TIAM2: variants seen among roughly 807,000 people sequenced by gnomAD.
The protein encoded by TIAM2 is rho guanine nucleotide exchange factor TIAM2.
Under a neutral mutation model 152.9 loss-of-function variants are expected in TIAM2, and 80 were observed. That is an observed-to-expected ratio of 0.52 (90% CI 0.44 to 0.63). The LOEUF is 0.63. Among genes scored for constraint, TIAM2 ranks in the 30% least tolerant of loss-of-function variants. The pLI is 0.00. For synonymous variants in TIAM2, 804 were observed against 838.0 expected, an observed-to-expected ratio of 0.96 and a Z score of 0.70; for missense variants, 1,965 against 2,120.1, an observed-to-expected ratio of 0.93 and a Z score of 1.44.
intron 2 of TIAM2, among the ~76,000 whole-genome samples, chr6:155,110,827 A>C (rs1778830492): frequency 6.6e-6 from 1 of 152,232 alleles, no homozygotes; most frequent in African/African-American, 2.4e-5. Context: ...AAAGGGATGC[A>C]GTGGGCTCCA....
rs553731246 is a variant in TIAM2, at chr6:155,090,941, A to T, written c.-118+562A>T. On this transcript the variant is annotated intron_variant, in intron 2 of 26. Coordinates refer to ENST00000682666, the MANE Select transcript of TIAM2 (RefSeq NM_012454.4). ...GATGTGTTGGTGTCGCAGGTTAAGTACTAAAGCAGGAAAGCTGAACAGTTC... is the reference window on the plus strand; with the variant it reads ...GATGTGTTGGTGTCGCAGGTTAAGTTCTAAAGCAGGAAAGCTGAACAGTTC... Among the ~76,000 whole-genome samples the T allele has an allele frequency of 3.2e-3, 489 of 152,240 alleles. 5 individuals are homozygous for T. The highest frequency in any genetic ancestry group is 0.011 in the African/African-American group (444 of 41,552).
At chr6:155,164,860 T>C (rs73795326) in intron 8 of TIAM2, among the ~76,000 whole-genome samples, 19,866 of 152,166 alleles carry the variant, frequency 0.13, 1,681 homozygotes, top group African/African-American at 0.24. Context: ...CCTTTCTGTG[T>C]ATTCCACCAT....
At chr6:155,060,850 G>A (rs1331313693) in intron 1 of TIAM2, among the ~76,000 whole-genome samples, 2 of 152,198 alleles carry the variant, frequency 1.3e-5, no homozygotes, top group Non-Finnish European at 2.9e-5. Context: ...AGCCGAGATC[G>A]TGCCATTGCG....
intron 9 of TIAM2, among the ~76,000 whole-genome samples, chr6:155,170,349 G>T (rs1780555152): frequency 6.6e-6 from 1 of 152,146 alleles, no homozygotes; most frequent in Non-Finnish European, 1.5e-5. Flanking sequence ...AAGTTAAGAG[G>T]CCTGGCATGG....
chr6:155,131,784 G>A (rs1779453647), intron 4 of TIAM2, among the ~76,000 whole-genome samples: 1 of 151,824 alleles, frequency 6.6e-6, no homozygotes, highest in Non-Finnish European at 1.5e-5. Context: ...TCACCATGTT[G>A]GCCAGGCTGG....
intron 2 of TIAM2, among the ~76,000 whole-genome samples, chr6:155,102,683 T>G (rs1308878162): frequency 1.3e-5 from 2 of 152,174 alleles, no homozygotes; most frequent in Admixed American, 1.3e-4. Context: ...TTCAGGTTTT[T>G]TATTACAGTC....
At chr6:155,219,631 A>C (rs573316091) in intron 15 of TIAM2, among the ~76,000 whole-genome samples, 17 of 151,762 alleles carry the variant, frequency 1.1e-4, no homozygotes, top group African/African-American at 4.1e-4. Context: ...TTTTTTAAAA[A>C]ATTTCCTATT....
intron 4 of TIAM2, 41 bp from the exon 5 acceptor site, chr6:155,137,136 A>G: frequency 6.3e-7 from 1 of 1,581,872 alleles, no homozygotes; most frequent in Non-Finnish European, 8.6e-7. Flanking sequence ...TGCTTTGGAT[A>G]GCCGTAAGCT....
At chr6:155,244,959 A>AT (rs1016532651) in intron 18 of TIAM2, 176 bp downstream of exon 18, 4 of 826,084 alleles carry the variant, frequency 4.8e-6, no homozygotes, top group Non-Finnish European at 6.7e-6. Context: ...AAGGCTGTAT[A>AT]TATTTTTTTT....
chr6:155,196,024 A>G (rs1421595743), intron 14 of TIAM2, among the ~76,000 whole-genome samples: 1 of 152,192 alleles, frequency 6.6e-6, no homozygotes, highest in Non-Finnish European at 1.5e-5. Flanking sequence ...AAGTAGTGAC[A>G]TGATCTGACG....
chr6:155,186,468 A>G lies in TIAM2; in HGVS notation c.3064+2968A>G, dbSNP rs1393105622. ...TTGGGAATCTCGGGGTCACCTTCCA[A>G]ATAAACTTCTGTACTCAAGTCCTTG... is the stretch of plus-strand genomic sequence containing the variant. On this transcript the variant is annotated intron_variant, in intron 14 of 26. Coordinates refer to ENST00000682666, the MANE Select transcript of TIAM2 (RefSeq NM_012454.4). The surrounding 1 kb of genome is among the most constrained non-coding windows in gnomAD (Gnocchi z 4.5). Among the ~76,000 whole-genome samples, 1 of 151,874 alleles carries G rather than the reference A, an allele frequency of 6.6e-6. No individual in the cohort carries two copies. Among genetic ancestry groups the G allele is most frequent in the African/African-American group, 2.4e-5 (1 of 41,314 alleles).
chr6:155,073,159 C>CTTTTTTT lies in TIAM2; in HGVS notation c.-208-17114_-208-17108dup, dbSNP rs34459359. ...TTTCTTGCTTCAGATTGATTAAGTTCTTTTTTTTTTTTTTTTTTTTTTAGA... is the reference window on the plus strand; with the variant it reads ...TTTCTTGCTTCAGATTGATTAAGTTCTTTTTTTTTTTTTTTTTTTTTTTTTTTTTAGA... On this transcript the variant is annotated intron_variant, in intron 1 of 26. Coordinates refer to ENST00000682666, the MANE Select transcript of TIAM2 (RefSeq NM_012454.4). Among the ~76,000 whole-genome samples, 9 of 105,302 alleles carry CTTTTTTT rather than the reference C, an allele frequency of 8.5e-5. 1 individual carries two copies. Among genetic ancestry groups the CTTTTTTT allele is most frequent in the East Asian group, 2.8e-4 (1 of 3,572 alleles). The allele number at this position is 105,302 out of a possible 152,430, so 69.1% of individuals were successfully genotyped here. A position where few individuals can be genotyped will look rare whatever the true frequency, so the allele number is the denominator to read the frequency against.
At chr6:155,032,249 C>A (rs9480018) in intron 1 of TIAM2, among the ~76,000 whole-genome samples, 31,400 of 152,016 alleles carry the variant, frequency 0.21, 3,431 homozygotes, top group Middle Eastern at 0.27. Flanking sequence ...CTTGTCTGTG[C>A]ACAGGAATTA....
At chr6:155,019,616 G>C (rs981953049) in intron 1 of TIAM2, among the ~76,000 whole-genome samples, 2 of 152,208 alleles carry the variant, frequency 1.3e-5, no homozygotes, top group African/African-American at 4.8e-5. Flanking sequence ...TTTTGTTGTA[G>C]AATGGAAGGA....
chr6:155,108,512 A>T (rs1198177448), intron 2 of TIAM2, among the ~76,000 whole-genome samples: 1 of 152,206 alleles, frequency 6.6e-6, no homozygotes, highest in Non-Finnish European at 1.5e-5. Flanking sequence ...GAAGAACTTA[A>T]TGACTCAAAT....
chr6:155,228,117 C>T (rs911967745), intron 15 of TIAM2, among the ~76,000 whole-genome samples: 1 of 152,154 alleles, frequency 6.6e-6, no homozygotes, highest in Non-Finnish European at 1.5e-5. Flanking sequence ...AGTCTGGGCT[C>T]AGGTAGTTGG....
chr6:155,101,013 C>T lies in TIAM2; in HGVS notation c.-118+10634C>T, dbSNP rs79437357. Among the ~76,000 whole-genome samples the T allele has an allele frequency of 9.9e-5, 15 of 152,216 alleles. No individual in the cohort carries two copies. In the East Asian group the frequency reaches 2.1e-3, roughly 22 times the overall value. On this transcript the variant is annotated intron_variant, in intron 2 of 26. Coordinates refer to ENST00000682666, the MANE Select transcript of TIAM2 (RefSeq NM_012454.4). Reference sequence around the variant, plus strand: ...GAATTGCACGTCAGTTGTACATTTGCGTGGGTTTTCAGCATCACACGTGGG... The same window carrying T: ...GAATTGCACGTCAGTTGTACATTTGTGTGGGTTTTCAGCATCACACGTGGG...
intron 2 of TIAM2, among the ~76,000 whole-genome samples, chr6:155,122,687 T>C (rs1562323382): frequency 6.6e-6 from 1 of 152,128 alleles, no homozygotes; most frequent in African/African-American, 2.4e-5. Context: ...TATTCCAGAG[T>C]GACTTCACTT....
At chr6:155,060,350 C>T (rs1208543957) in intron 1 of TIAM2, among the ~76,000 whole-genome samples, 3 of 152,040 alleles carry the variant, frequency 2.0e-5, no homozygotes, top group Non-Finnish European at 2.9e-5. Flanking sequence ...TGCGGTGAGC[C>T]GAGATCACGC....
Sources: gnomAD v4.1 joint callset for allele counts (sites outside exome capture counted in the v4.1 genomes callset) on GRCh38, gnomAD v4.1.1 for gene constraint, Gnocchi (gnomAD v3.1) non-coding constraint, MANE v1.5 for transcripts, NCBI Gene and HGNC (gene_info 2026-07-23, HGNC 2026-07-21) for gene names.